Variants in CRAT observed in about 807,000 individuals in gnomAD.
CRAT encodes carnitine acetylase.
CRAT carries 66 observed loss-of-function variants against 73.7 expected under a neutral mutation model. That is an observed-to-expected ratio of 0.90 (90% CI 0.73 to 1.10). The LOEUF is 1.10. CRAT is among the 50% of genes least tolerant of loss of function. The pLI is 0.00. For synonymous variants in CRAT, 321 were observed against 343.2 expected (o/e 0.94, Z 0.71); for missense variants, 745 against 846.9 (o/e 0.88, Z 1.49).
At chr9:129,099,150 T>TC (rs1424511710) in intron 8 of CRAT, among the ~76,000 whole-genome samples, 1 of 150,296 alleles carries the variant, frequency 6.7e-6, no homozygotes, top group Non-Finnish European at 1.5e-5. Flanking sequence ...AACTTTTTTT[T>TC]TTTTTTTTTT....
At chr9:129,105,680 G>A (rs1471070916) in intron 2 of CRAT, among the ~76,000 whole-genome samples, 2 of 152,168 alleles carry the variant, frequency 1.3e-5, no homozygotes, top group African/African-American at 2.4e-5. Flanking sequence ...CAGGAGACTG[G>A]GGTATCAGAG....
chr9:129,099,965 A>T lies in CRAT; in HGVS notation c.986T>A (p.Phe329Tyr). Reference sequence around the variant, plus strand: ...ACAGGAGCCATCTTCTGCCACGATGAACTGTGGAAGGGAAGGGAGACCCCG... The same window carrying T: ...ACAGGAGCCATCTTCTGCCACGATGTACTGTGGAAGGGAAGGGAGACCCCG... ...GNRWFDKTLQ[F>Y]IVAEDGSCGL... The change falls in exon 8 of 14, where the codon TTC becomes TAC. Residue 329 changes from phenylalanine to tyrosine, a missense_variant and splice_region_variant. Transcript: ENST00000318080. The T allele has an allele frequency of 6.2e-7, 1 of 1,613,046 alleles. No individual in the cohort carries two copies. Among genetic ancestry groups the T allele is most frequent in the Non-Finnish European group, 8.5e-7 (1 of 1,179,750 alleles).
At chr9:129,096,939 G>A (rs1249669504) in intron 12 of CRAT, among the ~76,000 whole-genome samples, 2 of 152,216 alleles carry the variant, frequency 1.3e-5, no homozygotes, top group South Asian at 4.1e-4. Context: ...GTGGTGGTGG[G>A]TGCCTGTAAT....
Position 129,102,534 on chromosome 9 carries a change from TC to T in CRAT, c.495del (p.Lys166SerfsTer5), listed in dbSNP as rs772054700. On this transcript the variant is annotated frameshift_variant, in exon 5 of 14. Transcript: ENST00000318080. LOFTEE classifies it high-confidence loss of function. ...NETLPVEYLG[G>X]KPLCMNQYYQ... is the part of the protein sequence containing the mutation. ...TAGTACTGGTTCATGCACAGTGGCTTCCCCCCCAGGTACTCCACGGGCAGGG... is the reference window on the plus strand; with the variant it reads ...TAGTACTGGTTCATGCACAGTGGCTTCCCCCCAGGTACTCCACGGGCAGGG... 10 of 1,613,498 alleles carry T rather than the reference TC, an allele frequency of 6.2e-6. No homozygotes were observed. Among genetic ancestry groups the T allele is most frequent in the South Asian group, 3.3e-5 (3 of 91,056 alleles).
rs1467711298 is a variant in CRAT, at chr9:129,110,180, GTC to G, written c.27+301_27+302del. On this transcript the variant is annotated intron_variant, in intron 1 of 13. Transcript: ENST00000318080. This position sits in a 1 kb window ranked among gnomAD's most constrained non-coding sequence, Gnocchi z 5.3. ...GTGAGCTAGGGTCTGGATGCTCCTGGTCTCTCTCCCCTACCGGCCTGTCTCTG... is the reference window on the plus strand; with the variant it reads ...GTGAGCTAGGGTCTGGATGCTCCTGGTCTCTCCCCTACCGGCCTGTCTCTG... Among the ~76,000 whole-genome samples, 2 of 152,116 alleles carry G rather than the reference GTC, an allele frequency of 1.3e-5. No homozygotes were observed. Among genetic ancestry groups the G allele is most frequent in the East Asian group, 3.9e-4 (2 of 5,194 alleles).
intron 11 of CRAT, chr9:129,097,747 A>G (rs1011035184): frequency 1.0e-5 from 5 of 485,376 alleles, no homozygotes; most frequent in African/African-American, 7.8e-5. Flanking sequence ...TATTGCAACT[A>G]CCAACTCCTT....
chr9:129,096,234 G>T, intron 12 of CRAT, 99 bp from the exon 13 acceptor site: 1 of 1,480,888 alleles, frequency 6.8e-7, no homozygotes, highest in Non-Finnish European at 9.2e-7. Flanking sequence ...GCAGGCACTG[G>T]CCACTCAAAA....
At chr9:129,104,851 G>A (rs10988207) in intron 2 of CRAT, among the ~76,000 whole-genome samples, 86,974 of 147,484 alleles carry the variant, frequency 0.59, 27,302 homozygotes, top group Non-Finnish European at 0.69. Context: ...TGATCCGCCC[G>A]CCTTGGCCTC....
chr9:129,096,167 G>C, intron 12 of CRAT, 32 bp from the exon 13 acceptor site: 1 of 1,610,112 alleles, frequency 6.2e-7, no homozygotes, highest in Non-Finnish European at 8.5e-7. Flanking sequence ...CAGGAGCAGG[G>C]GCTGTGGACC....
chr9:129,095,178 A>G lies in CRAT; in HGVS notation c.*219T>C. ...AACGTCCTGCTCAGCCTCTGCACTC[A>G]GCCCCAGGTCGGGCCCTGGCAGGTG... On this transcript the variant is annotated 3_prime_UTR_variant, in exon 14 of 14. Coordinates refer to ENST00000318080, the MANE Select transcript of CRAT (RefSeq NM_000755.5). 1.7e-6 allele frequency: 1 copy of G among 599,088 alleles called. No homozygotes were observed. Among genetic ancestry groups the G allele is most frequent in the East Asian group, 2.8e-5 (1 of 35,722 alleles). 37.1% of individuals were successfully genotyped at this position (599,088 alleles called of 1,614,324 possible).
intron 2 of CRAT, among the ~76,000 whole-genome samples, chr9:129,105,471 C>T (rs1847960669): frequency 6.6e-6 from 1 of 152,136 alleles, no homozygotes; most frequent in Non-Finnish European, 1.5e-5. Flanking sequence ...TAGGTGCGCA[C>T]CACCATGCCT....
At position 129,110,019 on chromosome 9, in the gene CRAT, CGT is replaced by C. The variant is rs1031412274; in HGVS notation, c.27+462_27+463del. Among the ~76,000 whole-genome samples, 2 of 152,138 alleles carry C rather than the reference CGT, an allele frequency of 1.3e-5. No homozygotes were observed. Among genetic ancestry groups the C allele is most frequent in the Admixed American group, 1.3e-4 (2 of 15,270 alleles). On this transcript the variant is annotated intron_variant, in intron 1 of 13. Transcript: ENST00000318080. The surrounding 1 kb of genome is among the most constrained non-coding windows in gnomAD (Gnocchi z 5.3). Reference sequence around the variant, plus strand: ...AGGCCTTTCTAGCTTGATGCCTCCGCGTGTTTCTCTGGCCACACACAATTCCC... The same window carrying C: ...AGGCCTTTCTAGCTTGATGCCTCCGCGTTTCTCTGGCCACACACAATTCCC...
chr9:129,110,482 C>A lies in CRAT; in HGVS notation c.27+1G>T. On this transcript the variant is annotated splice_donor_variant, in intron 1 of 13. Coordinates refer to ENST00000318080, the MANE Select transcript of CRAT (RefSeq NM_000755.5). LOFTEE classifies it high-confidence loss of function. The surrounding 1 kb of genome is among the most constrained non-coding windows in gnomAD (Gnocchi z 5.3). ...TCAGGCCCGGGATCCGCCGCACTCA[C>A]CACGGTCCTGGCAGCGAAGGCTAAC... 6.3e-7 allele frequency: 1 copy of A among 1,584,688 alleles called. No homozygotes were observed.
At chr9:129,095,767 C>T (rs187010393) in intron 13 of CRAT, among the ~76,000 whole-genome samples, 155 bp from the exon 14 acceptor site, 7 of 152,354 alleles carry the variant, frequency 4.6e-5, no homozygotes, top group South Asian at 4.1e-4. Context: ...CAGGCTGGCA[C>T]GAATCAAATG....
rs149054165 is a variant in CRAT, at chr9:129,102,539, C to T, written c.491G>A (p.Gly164Glu). Residue 164 changes from glycine (G) to glutamate (E), a missense_variant, in exon 5 of 14, where the codon GGG becomes GAG. Physicochemically the swap from Gly to Glu is moderately conservative, Grantham distance 98 (BLOSUM62 -2). Transcript: ENST00000318080. ...DNETLPVEYL[G>E]GKPLCMNQYY... ...CTGGTTCATGCACAGTGGCTTCCCC[C>T]CCAGGTACTCCACGGGCAGGGTCTC... 9.3e-6 allele frequency: 15 copies of T among 1,613,938 alleles called. No individual in the cohort carries two copies. Among genetic ancestry groups the T allele is most frequent in the Admixed American group, 1.7e-5 (1 of 59,998 alleles).
In CRAT at chr9:129,107,614, C is replaced by T. The variant is rs1266357170; in HGVS notation, c.291+200G>A. ...TGTATCCTGTTCATTACCTTTCTCT[C>T]CTCCCTACTTGAATGTTAGCTCCAA... On this transcript the variant is annotated intron_variant, in intron 2 of 13. Coordinates refer to ENST00000318080, the MANE Select transcript of CRAT (RefSeq NM_000755.5). This position sits in a 1 kb window ranked among gnomAD's most constrained non-coding sequence, Gnocchi z 5.0. 1.3e-6 allele frequency: 1 copy of T among 766,292 alleles called. No homozygotes were observed. Among genetic ancestry groups the T allele is most frequent in the African/African-American group, 1.7e-5 (1 of 58,272 alleles). 47.5% of individuals were successfully genotyped at this position (766,292 alleles called of 1,614,324 possible). A position where few individuals can be genotyped will look rare whatever the true frequency, so the allele number is the denominator to read the frequency against.
chr9:129,098,770 A>T, intron 8 of CRAT, 120 bp from the exon 9 acceptor site: 2 of 1,190,576 alleles, frequency 1.7e-6, no homozygotes, highest in Non-Finnish European at 2.3e-6. Flanking sequence ...GGGAGGTGTG[A>T]GTTTGTTCTG....
Position 129,109,193 on chromosome 9 carries a change from G to A in CRAT, c.28-1116C>T, listed in dbSNP as rs970021959. On this transcript the variant is annotated intron_variant, in intron 1 of 13. Coordinates refer to ENST00000318080, the MANE Select transcript of CRAT (RefSeq NM_000755.5). ...AAAAAATCCACCTGTCAGAATCTGC[G>A]AAGATCGTTTTGATGAGGGAAAACT... The A allele has an allele frequency of 1.6e-5, 21 of 1,304,132 alleles. No homozygotes were observed. The African/African-American group carries it at 3.0e-4, about 19-fold the overall frequency. The allele number at this position is 1,304,132 out of a possible 1,614,324, so 80.8% of individuals were successfully genotyped here. A position where few individuals can be genotyped will look rare whatever the true frequency, so the allele number is the denominator to read the frequency against.
At chr9:129,104,821 G>A (rs1340561968) in intron 2 of CRAT, among the ~76,000 whole-genome samples, 2 of 150,978 alleles carry the variant, frequency 1.3e-5, no homozygotes, top group Non-Finnish European at 2.9e-5. Flanking sequence ...AGCCAGGATG[G>A]TCTCGATTTC....
Sources: allele counts gnomAD v4.1 joint callset (sites outside exome capture counted in the v4.1 genomes callset), GRCh38; gene constraint gnomAD v4.1.1; non-coding constraint Gnocchi (gnomAD v3.1); transcripts MANE v1.5; gene names NCBI Gene and HGNC (gene_info 2026-07-23, HGNC 2026-07-21).